The following MAPK7 variants were observed in gnomAD, a reference collection of about 807,000 sequenced individuals.
MAPK7 encodes the protein BMK-1.
MAPK7 carries 30 observed loss-of-function variants against 56.9 expected under a neutral mutation model. The ratio of observed to expected loss-of-function variants is 0.53; its 90% CI spans 0.39 to 0.72. MAPK7 has a LOEUF of 0.72. Among genes scored for constraint, MAPK7 ranks in the 30% least tolerant of loss-of-function variants. The pLI is 0.00. For synonymous variants in MAPK7, 516 were observed against 449.3 expected, an observed-to-expected ratio of 1.15 and a Z score of -1.88; for missense variants, 952 against 1,110.8, an observed-to-expected ratio of 0.86 and a Z score of 2.03.
Position 19,381,786 on chromosome 17 carries a change from C to G in MAPK7, c.1483C>G (p.Pro495Ala). The G allele has an allele frequency of 6.5e-7, 1 of 1,542,312 alleles. No homozygotes were observed. Among genetic ancestry groups the G allele is most frequent in the East Asian group, 2.3e-5 (1 of 44,370 alleles). ...KSLRSRLRDG[P>A]SAPLEAPEPR... ...CCTGCCCAACTTCCCCGCAGATGGCCCCAGCGCACCCCTGGAGGCTCCTGA... is the reference window on the plus strand; with the variant it reads ...CCTGCCCAACTTCCCCGCAGATGGCGCCAGCGCACCCCTGGAGGCTCCTGA... Residue 495 changes from proline (P) to alanine (A), a missense_variant, in exon 5 of 7, where the codon CCC (proline) becomes GCC (alanine). Around this residue, in one of 5 missense-constraint regions of MAPK7, gnomAD observed 429 missense variants for 533.0 expected, o/e 0.80. Coordinates refer to ENST00000395604, the MANE Select transcript of MAPK7 (RefSeq NM_002749.4). The surrounding 1 kb of genome is among the most constrained non-coding windows in gnomAD (Gnocchi z 4.6).
In MAPK7 at chr17:19,381,718, G is replaced by A. The variant is rs1912687848; in HGVS notation, c.1477+32G>A. Reference sequence around the variant, plus strand: ...TGTGGGCAGGTCGGGTGGGCAGAGGGGAGACTTGGACTTGGACAAGGCTTC... The same window carrying A: ...TGTGGGCAGGTCGGGTGGGCAGAGGAGAGACTTGGACTTGGACAAGGCTTC... On this transcript the variant is annotated intron_variant, in intron 4 of 6. Transcript: ENST00000395604. The surrounding 1 kb of genome is among the most constrained non-coding windows in gnomAD (Gnocchi z 4.6). 1 of 1,549,012 alleles carries A rather than the reference G, an allele frequency of 6.5e-7. No homozygotes were observed. The highest frequency in any genetic ancestry group is 8.7e-7 in the Non-Finnish European group (1 of 1,150,952).
rs764051980 is a variant in MAPK7 at position 19,380,648 on chromosome 17, A to G, written c.439A>G (p.Ile147Val). The G allele has an allele frequency of 6.2e-7, 1 of 1,611,394 alleles. No individual in the cohort carries two copies. The highest frequency in any genetic ancestry group is 2.2e-5 in the East Asian group (1 of 44,790). ...LDLMESDLHQ[I>V]IHSSQPLTLE... ...CCTGATGGAAAGCGACCTGCACCAG[A>G]TCATCCACTCCTCACAGCCCCTCAC... The change falls in exon 4 of 7, where the codon ATC (isoleucine) becomes GTC (valine). Residue 147 changes from isoleucine (I) to valine (V), a missense_variant. By Grantham distance (29) the Ile-to-Val change is conservative. This residue lies in a region of MAPK7 where 213 missense variants were observed against 243.2 expected (regional missense o/e 0.88). Transcript: ENST00000395604.
rs776354479 is a variant in MAPK7 at position 19,381,536 on chromosome 17, G to A, written c.1327G>A (p.Gly443Ser). 11 of 1,613,476 alleles carry A rather than the reference G, an allele frequency of 6.8e-6. No individual in the cohort carries two copies. The highest frequency in any genetic ancestry group is 1.7e-5 in the Admixed American group (1 of 59,968). ...ACCACCAGCCCCGCCACCATGCCCCGGCCCTGCACCTGACACCATTGATCT... is the reference window on the plus strand; with the variant it reads ...ACCACCAGCCCCGCCACCATGCCCCAGCCCTGCACCTGACACCATTGATCT... Reference protein sequence around the residue: ...SPPPAPPPCPGPAPDTIDLTL... With the variant: ...SPPPAPPPCPSPAPDTIDLTL... The change falls in exon 4 of 7, where the codon GGC (glycine) becomes AGC (serine). Residue 443 changes from glycine (G) to serine (S), a missense_variant. Coordinates refer to ENST00000395604, the MANE Select transcript of MAPK7 (RefSeq NM_002749.4). This position sits in a 1 kb window ranked among gnomAD's most constrained non-coding sequence, Gnocchi z 4.6.
upstream of MAPK7, chr17:19,377,763 G>A (rs1467490496): frequency 6.6e-6 from 6 of 906,658 alleles, no homozygotes; most frequent in African/African-American, 5.4e-5. Flanking sequence ...CGCGGGCTCC[G>A]CAGAGGAGCA....
rs1912837116 is a variant in MAPK7, at chr17:19,382,801, C to CA, written c.2164-11dup. 1.2e-6 allele frequency: 2 copies of CA among 1,613,334 alleles called. No individual in the cohort carries two copies. The highest frequency in any genetic ancestry group is 1.3e-5 in the African/African-American group (1 of 74,934). ...TCAGTCTGTCTGCATTGTAACCTGTCATTCCCTGCAGGTGGAGGACCCCCT... is the reference window on the plus strand; with the variant it reads ...TCAGTCTGTCTGCATTGTAACCTGTCAATTCCCTGCAGGTGGAGGACCCCCT... On this transcript the variant is annotated splice_polypyrimidine_tract_variant and intron_variant, in intron 5 of 6. Coordinates refer to ENST00000395604, the MANE Select transcript of MAPK7 (RefSeq NM_002749.4).
upstream of MAPK7, chr17:19,377,981 T>C (rs1912238022): frequency 4.0e-5 from 39 of 985,298 alleles, no homozygotes; most frequent in Non-Finnish European, 4.2e-5. Flanking sequence ...CCGGGATCTC[T>C]GTGGTTGGCC....
At chr17:19,379,169 G>T (rs1404118373) in intron 2 of MAPK7, 37 bp downstream of exon 2, 1 of 1,580,974 alleles carries the variant, frequency 6.3e-7, no homozygotes, top group East Asian at 2.3e-5. Context: ...AGATGTGGCA[G>T]CGTCGCAGGG....
intron 2 of MAPK7, 163 bp from the exon 3 acceptor site, chr17:19,379,619 A>AT: frequency 1.6e-6 from 1 of 634,468 alleles, no homozygotes; most frequent in Non-Finnish European, 2.7e-6. Flanking sequence ...ACATTTAATA[A>AT]TGTAGGTAAC....
chr17:19,382,108 C>G lies in MAPK7; in HGVS notation c.1805C>G (p.Pro602Arg), dbSNP rs762406695. ...ACGCCAACCCCAACCCCAGTCCAAC[C>G]TACCAGTCCTCCTCCTGGCCCTGTA... ...APTPTPTPVQ[P>R]TSPPPGPVAQ... The change falls in exon 5 of 7, where the codon CCT (proline) becomes CGT (arginine). Residue 602 changes from proline to arginine, a missense_variant. Transcript: ENST00000395604. 20 of 1,612,038 alleles carry G rather than the reference C, an allele frequency of 1.2e-5. No individual in the cohort carries two copies. The highest frequency in any genetic ancestry group is 1.7e-5 in the Non-Finnish European group (20 of 1,179,636).
upstream of MAPK7, chr17:19,378,179 G>A: frequency 1.0e-6 from 1 of 982,470 alleles, no homozygotes; most frequent in Non-Finnish European, 1.2e-6. This position sits in a 1 kb window ranked among gnomAD's most constrained non-coding sequence, Gnocchi z 5.4. Flanking sequence ...GGCCGGATGA[G>A]GTTGAGAGCT....
Position 19,381,283 on chromosome 17 carries a change from C to T in MAPK7, c.1074C>T (p.Asp358=). Residue 358 remains aspartate (D), a synonymous_variant, in exon 4 of 7, where the codon GAC becomes GAT. Coordinates refer to ENST00000395604, the MANE Select transcript of MAPK7 (RefSeq NM_002749.4). The surrounding 1 kb of genome is among the most constrained non-coding windows in gnomAD (Gnocchi z 4.6). ...ACCATGATCCTGATGATGAGCCTGA[C>T]TGTGCCCCGCCCTTTGACTTTGCCT... ...AKYHDPDDEP[D]CAPPFDFAFD... The T allele has an allele frequency of 6.2e-7, 1 of 1,614,086 alleles. No homozygotes were observed. Among genetic ancestry groups the T allele is most frequent in the Middle Eastern group, 1.6e-4 (1 of 6,062 alleles).
upstream of MAPK7, chr17:19,377,991 C>T: frequency 3.0e-6 from 3 of 985,346 alleles, no homozygotes; most frequent in Non-Finnish European, 3.6e-6. Flanking sequence ...TGTGGTTGGC[C>T]GTGACGGGCA....
chr17:19,381,049 C>G lies in MAPK7; in HGVS notation c.840C>G (p.Thr280=). ...QLQLIMMVLG[T]PSPAVIQAVG... is the part of the protein sequence containing the mutation. ...AGCTCATCATGATGGTGCTGGGTAC[C>G]CCATCACCAGCCGTGATTCAGGCTG... is the stretch of plus-strand genomic sequence containing the variant. Residue 280 remains threonine, a synonymous_variant, in exon 4 of 7, where the codon ACC becomes ACG. Coordinates refer to ENST00000395604, the MANE Select transcript of MAPK7 (RefSeq NM_002749.4). This position sits in a 1 kb window ranked among gnomAD's most constrained non-coding sequence, Gnocchi z 4.6. 1 of 1,614,086 alleles carries G rather than the reference C, an allele frequency of 6.2e-7. No individual in the cohort carries two copies. The highest frequency in any genetic ancestry group is 8.5e-7 in the Non-Finnish European group (1 of 1,180,032).
chr17:19,378,945 G>C lies in MAPK7; in HGVS notation c.45G>C (p.Ala15=). ...AGGAAGACGGCGAGGACGGCTCTGCGGAGCCCCCCGGGCCCGTGAAGGCCG... is the reference window on the plus strand; with the variant it reads ...AGGAAGACGGCGAGGACGGCTCTGCCGAGCCCCCCGGGCCCGTGAAGGCCG... ...LKEEDGEDGS[A]EPPGPVKAEP... The change falls in exon 2 of 7, where the codon GCG becomes GCC. Residue 15 remains alanine, a synonymous_variant. Transcript: ENST00000395604. The surrounding 1 kb of genome is among the most constrained non-coding windows in gnomAD (Gnocchi z 5.4). The C allele has an allele frequency of 6.3e-7, 1 of 1,596,252 alleles. No individual in the cohort carries two copies. The highest frequency in any genetic ancestry group is 8.5e-7 in the Non-Finnish European group (1 of 1,171,232).
chr17:19,377,757 G>A, upstream of MAPK7: 1 of 871,272 alleles, frequency 1.1e-6, no homozygotes, highest in South Asian at 5.3e-5. Flanking sequence ...CCCACCCGCG[G>A]GCTCCGCAGA....
chr17:19,383,046 T>G (rs756879664), intron 6 of MAPK7, 32 bp from the exon 7 acceptor site: 2 of 1,613,176 alleles, frequency 1.2e-6, no homozygotes, highest in Admixed American at 3.3e-5. Context: ...CAGCCTAGGC[T>G]AATAGCACCC....
At position 19,382,127 on chromosome 17, in the gene MAPK7, C is replaced by G; in HGVS notation, c.1824C>G (p.Gly608=). 6.2e-7 allele frequency: 1 copy of G among 1,612,506 alleles called. No individual in the cohort carries two copies. Among genetic ancestry groups the G allele is most frequent in the Non-Finnish European group, 8.5e-7 (1 of 1,179,716 alleles). ...TPVQPTSPPP[G]PVAQPTGPQP... ...TCCAACCTACCAGTCCTCCTCCTGGCCCTGTAGCCCAGCCCACTGGCCCGC... is the reference window on the plus strand; with the variant it reads ...TCCAACCTACCAGTCCTCCTCCTGGGCCTGTAGCCCAGCCCACTGGCCCGC... The change falls in exon 5 of 7, where the codon GGC becomes GGG. Residue 608 remains glycine, a synonymous_variant. Transcript: ENST00000395604.
chr17:19,382,396 G>A lies in MAPK7; in HGVS notation c.2093G>A (p.Gly698Glu), dbSNP rs1344951488. The A allele has an allele frequency of 2.5e-6, 4 of 1,613,084 alleles. No individual in the cohort carries two copies. The highest frequency in any genetic ancestry group is 3.4e-6 in the Non-Finnish European group (4 of 1,179,744). The change falls in exon 5 of 7, where the codon GGA becomes GAA. Residue 698 changes from glycine (G) to glutamate (E), a missense_variant. Physicochemically the swap from Gly to Glu is moderately conservative, Grantham distance 98 (BLOSUM62 -2). This residue lies in a region of MAPK7 where 234 missense variants were observed against 210.4 expected (regional missense o/e 1.11). Coordinates refer to ENST00000395604, the MANE Select transcript of MAPK7 (RefSeq NM_002749.4). Reference sequence around the variant, plus strand: ...GGCCTGCCGCCCCCAGACGCCGGGGGAGCCCCTCAGTCTTCCATGTCAGAG... The same window carrying A: ...GGCCTGCCGCCCCCAGACGCCGGGGAAGCCCCTCAGTCTTCCATGTCAGAG... ...PPGLPPPDAGGAPQSSMSESP... is the reference protein window; with the variant it reads ...PPGLPPPDAGEAPQSSMSESP...
Position 19,382,444 on chromosome 17 carries a change from C to A in MAPK7, c.2141C>A (p.Thr714Asn). 6.2e-7 allele frequency: 1 copy of A among 1,601,698 alleles called. No individual in the cohort carries two copies. The change falls in exon 5 of 7, where the codon ACC (threonine) becomes AAC (asparagine). Residue 714 changes from threonine to asparagine, a missense_variant. Transcript: ENST00000395604. Reference protein sequence around the residue: ...MSESPDVNLVTQQLSKSQVED... With the variant: ...MSESPDVNLVNQQLSKSQVED... Reference sequence around the variant, plus strand: ...GAGTCACCTGATGTCAACCTTGTGACCCAGCAGCTATCTAAGTCACAGGTG... The same window carrying A: ...GAGTCACCTGATGTCAACCTTGTGAACCAGCAGCTATCTAAGTCACAGGTG...
Sources: gnomAD v4.1 joint callset for allele counts on GRCh38, gnomAD v4.1.1 for gene constraint, gnomAD v4.1.1 regional missense constraint, Gnocchi (gnomAD v3.1) non-coding constraint, MANE v1.5 for transcripts, NCBI Gene and HGNC (gene_info 2026-07-23, HGNC 2026-07-21) for gene names.